ATP2C1: variants seen among roughly 807,000 people sequenced by gnomAD.
The protein encoded by ATP2C1 is calcium-transporting ATPase type 2C member 1.
A neutral mutation model predicts 120.5 loss-of-function variants in ATP2C1; 31 were observed. That is an observed-to-expected ratio of 0.26 (90% CI 0.19 to 0.35). ATP2C1 has a LOEUF of 0.35. Among genes scored for constraint, ATP2C1 ranks in the 10% least tolerant of loss-of-function variants. The pLI is 1.00. For synonymous variants in ATP2C1, 351 were observed against 358.7 expected, an observed-to-expected ratio of 0.98 and a Z score of 0.24; for missense variants, 731 against 1,107.5, an observed-to-expected ratio of 0.66 and a Z score of 4.83.
At chr3:130,918,598 G>A in intron 2 of ATP2C1, 1 of 706,514 alleles carries the variant, frequency 1.4e-6, no homozygotes, top group Non-Finnish European at 2.7e-6. Flanking sequence ...TAGCCTTTTG[G>A]CCCATACTTC....
At chr3:130,867,084 G>A (rs887820695) in intron 1 of ATP2C1, among the ~76,000 whole-genome samples, 18 of 152,068 alleles carry the variant, frequency 1.2e-4, no homozygotes, top group East Asian at 1.9e-4. Flanking sequence ...AATCATGCCC[G>A]CATTAGACAG....
chr3:130,885,713 T>C (rs1399244690), intron 1 of ATP2C1, among the ~76,000 whole-genome samples: 1 of 152,204 alleles, frequency 6.6e-6, no homozygotes, highest in Non-Finnish European at 1.5e-5. Context: ...GTTGTCGTTA[T>C]CATTTTTGGT....
chr3:130,906,675 G>A (rs1180718084), intron 2 of ATP2C1, among the ~76,000 whole-genome samples: 2 of 133,566 alleles, frequency 1.5e-5, no homozygotes, highest in Admixed American at 7.5e-5. Context: ...ACATTTTGCT[G>A]TTTTTTTTTT....
chr3:131,011,280 T>G (rs1195345335), intron 26 of ATP2C1, among the ~76,000 whole-genome samples: 1 of 152,178 alleles, frequency 6.6e-6, no homozygotes, highest in Non-Finnish European at 1.5e-5. Context: ...AAAATAGACT[T>G]CCAGTATAAT....
intron 8 of ATP2C1, among the ~76,000 whole-genome samples, chr3:130,946,926 A>G (rs538469331): frequency 6.6e-6 from 1 of 152,240 alleles, no homozygotes; most frequent in African/African-American, 2.4e-5. Flanking sequence ...AGCACATTGT[A>G]TCAGGCTTCA....
chr3:130,975,787 T>C (rs1416019283), intron 18 of ATP2C1, among the ~76,000 whole-genome samples: 1 of 152,222 alleles, frequency 6.6e-6, no homozygotes, highest in African/African-American at 2.4e-5. Context: ...CGAGGTAAAA[T>C]GGTGTTACTC....
At chr3:130,908,977 T>C (rs998991316) in intron 2 of ATP2C1, among the ~76,000 whole-genome samples, 1 of 152,162 alleles carries the variant, frequency 6.6e-6, no homozygotes, top group Non-Finnish European at 1.5e-5. Flanking sequence ...ATTGTGCTAG[T>C]TTTTAATTTA....
chr3:130,994,668 T>TA (rs1330936344), intron 22 of ATP2C1, among the ~76,000 whole-genome samples: 14 of 151,804 alleles, frequency 9.2e-5, no homozygotes, highest in Non-Finnish European at 1.8e-4. Context: ...TTTATTTATT[T>TA]TTTTGGTAGC....
intron 26 of ATP2C1, chr3:131,014,460 G>T: frequency 7.1e-7 from 1 of 1,400,056 alleles, no homozygotes; most frequent in East Asian, 2.3e-5. Context: ...CATTGACATA[G>T]CTTCAACAAA....
chr3:130,915,059 T>G (rs2058618742), intron 2 of ATP2C1, among the ~76,000 whole-genome samples: 1 of 152,044 alleles, frequency 6.6e-6, no homozygotes, highest in South Asian at 2.1e-4. Flanking sequence ...AAAGAGTTAA[T>G]TGTGAACTTA....
intron 1 of ATP2C1, among the ~76,000 whole-genome samples, chr3:130,858,169 G>A (rs994616371): frequency 6.6e-6 from 1 of 152,000 alleles, no homozygotes; most frequent in African/African-American, 2.4e-5. Context: ...CAGATTGAGG[G>A]TGGGTCTGCC....
chr3:130,966,018 A>G (rs1293962541), intron 14 of ATP2C1, among the ~76,000 whole-genome samples: 1 of 152,166 alleles, frequency 6.6e-6, no homozygotes, highest in Admixed American at 6.6e-5. Context: ...GGACAGGTCT[A>G]ATCCTACTCA....
chr3:130,901,007 A>G (rs1378097119), intron 2 of ATP2C1, among the ~76,000 whole-genome samples: 3 of 152,116 alleles, frequency 2.0e-5, no homozygotes, highest in Non-Finnish European at 2.9e-5. Context: ...TGGAAATATT[A>G]GTTGGCTTAA....
At chr3:131,010,246 A>C (rs2063268872) in intron 26 of ATP2C1, among the ~76,000 whole-genome samples, 4 of 137,816 alleles carry the variant, frequency 2.9e-5, no homozygotes, top group Admixed American at 8.1e-5. Flanking sequence ...GCTGGAGTGC[A>C]GTGGAACGAT....
chr3:130,935,082 C>CT (rs1462175126), intron 5 of ATP2C1, among the ~76,000 whole-genome samples: 3 of 152,130 alleles, frequency 2.0e-5, no homozygotes, highest in African/African-American at 7.2e-5. Flanking sequence ...ATTCTCCCAC[C>CT]TTGACCTCCC....
chr3:130,948,661 A>G (rs1332578347), intron 8 of ATP2C1, among the ~76,000 whole-genome samples: 1 of 151,986 alleles, frequency 6.6e-6, no homozygotes, highest in Non-Finnish European at 1.5e-5. Context: ...CTGAGATTGT[A>G]CTGGCATACC....
intron 2 of ATP2C1, among the ~76,000 whole-genome samples, chr3:130,916,285 A>C (rs1456860333): frequency 6.6e-6 from 1 of 151,454 alleles, no homozygotes; most frequent in East Asian, 1.9e-4. Flanking sequence ...GCATGGCTGC[A>C]TGTGCCTGTA....
chr3:131,009,940 C>T (rs1052226325), intron 26 of ATP2C1, among the ~76,000 whole-genome samples: 14 of 152,052 alleles, frequency 9.2e-5, no homozygotes, highest in Admixed American at 2.0e-4. Flanking sequence ...GAAAGTTTAT[C>T]CTTTTATGGA....
In ATP2C1 at chr3:130,997,768, C is replaced by T. The variant is rs1224863734; in HGVS notation, c.2391+15C>T. 6.2e-7 allele frequency: 1 copy of T among 1,612,134 alleles called. No individual in the cohort carries two copies. The highest frequency in any genetic ancestry group is 1.7e-5 in the Admixed American group (1 of 60,018). On this transcript the variant is annotated intron_variant, in intron 25 of 27. Coordinates refer to ENST00000510168, the MANE Select transcript of ATP2C1 (RefSeq NM_001378687.1). ...TCTGGCGTGAGGTATATTCACTGGC[C>T]AAGCTGCTATATTAACATGAATTCT...
Sources: allele counts gnomAD v4.1 joint callset (sites outside exome capture counted in the v4.1 genomes callset), GRCh38; gene constraint gnomAD v4.1.1; transcripts MANE v1.5; gene names NCBI Gene and HGNC (gene_info 2026-07-23, HGNC 2026-07-21).